PDE4B: variants seen among roughly 807,000 people sequenced by gnomAD.
The protein encoded by PDE4B is phosphodiesterase 4B.
PDE4B carries 20 observed loss-of-function variants against 82.2 expected under a neutral mutation model. The ratio of observed to expected loss-of-function variants is 0.24; its 90% CI spans 0.17 to 0.35. PDE4B has a LOEUF of 0.35. Among genes scored for constraint, PDE4B ranks in the 10% least tolerant of loss-of-function variants. The pLI is 1.00. For missense variants in PDE4B, 655 were observed against 907.2 expected (o/e 0.72, Z 3.57); for synonymous variants, 320 against 318.9 (o/e 1.00, Z -0.04).
intron 1 of PDE4B, among the ~76,000 whole-genome samples, chr1:65,892,982 G>C (rs1349937578): frequency 6.6e-6 from 1 of 151,922 alleles, no homozygotes; most frequent in Non-Finnish European, 1.5e-5. Flanking sequence ...TACCATGAAA[G>C]TAAAGCTTGA....
At position 65,951,428 on chromosome 1, in the gene PDE4B, T is replaced by C. The variant is rs187722331; in HGVS notation, c.281+32593T>C. 1.7e-4 allele frequency among the ~76,000 whole-genome samples: 26 copies of C among 152,144 alleles called. No homozygotes were observed. In the East Asian group the frequency reaches 4.8e-3, roughly 28 times the overall value. ...GGCTTTCCTATTTTTTTAGTTTGAG[T>C]TTGGAAATTTATGCATTCTTTTTGT... On this transcript the variant is annotated intron_variant, in intron 3 of 16. Transcript: ENST00000341517.
At chr1:65,875,246 A>G (rs1303753756) in intron 1 of PDE4B, among the ~76,000 whole-genome samples, 1 of 150,760 alleles carries the variant, frequency 6.6e-6, no homozygotes, top group African/African-American at 2.4e-5. Context: ...CAAAACCACT[A>G]TGAGATACCA....
chr1:65,870,071 C>T (rs1646556311), intron 1 of PDE4B, among the ~76,000 whole-genome samples: 1 of 152,102 alleles, frequency 6.6e-6, no homozygotes, highest in African/African-American at 2.4e-5. Flanking sequence ...CCATTCAATG[C>T]TCACTTACTT....
chr1:66,298,205 T>C (rs1657643000), intron 7 of PDE4B, among the ~76,000 whole-genome samples: 1 of 152,190 alleles, frequency 6.6e-6, no homozygotes, highest in South Asian at 2.1e-4. Flanking sequence ...CCAAAGTCAC[T>C]ATAGTCATAT....
intron 7 of PDE4B, chr1:66,332,296 G>A: frequency 6.5e-7 from 1 of 1,533,688 alleles, no homozygotes; most frequent in South Asian, 1.3e-5. Context: ...GGGGGGTTGG[G>A]GGGAAACTTG....
intron 7 of PDE4B, among the ~76,000 whole-genome samples, chr1:66,285,256 C>G (rs895671856): frequency 1.3e-5 from 2 of 152,144 alleles, no homozygotes; most frequent in Non-Finnish European, 2.9e-5. Flanking sequence ...ATCTACACAA[C>G]ACAAATTGAA....
chr1:66,003,950 G>A (rs1405183772), intron 3 of PDE4B, among the ~76,000 whole-genome samples: 1 of 152,116 alleles, frequency 6.6e-6, no homozygotes, highest in Non-Finnish European at 1.5e-5. Flanking sequence ...TCTTTCACAT[G>A]CTCATTTATC....
chr1:65,880,647 C>T (rs1047836910), intron 1 of PDE4B, among the ~76,000 whole-genome samples: 100 of 151,980 alleles, frequency 6.6e-4, no homozygotes, highest in African/African-American at 1.7e-3. Context: ...TGAATGAGGA[C>T]GGGATCCCTC....
intron 3 of PDE4B, among the ~76,000 whole-genome samples, chr1:66,155,226 C>G (rs1486597858): frequency 1.3e-5 from 2 of 152,118 alleles, no homozygotes; most frequent in Non-Finnish European, 2.9e-5. Flanking sequence ...CTCTCATTAG[C>G]TGAATGAGCT....
At chr1:65,994,543 C>G (rs1651428376) in intron 3 of PDE4B, among the ~76,000 whole-genome samples, 1 of 152,074 alleles carries the variant, frequency 6.6e-6, no homozygotes, top group Non-Finnish European at 1.5e-5. Flanking sequence ...TAAGGATGTA[C>G]TGACTTGAAG....
At chr1:66,198,614 T>TTTA (rs1337051759) in intron 3 of PDE4B, among the ~76,000 whole-genome samples, 1 of 152,114 alleles carries the variant, frequency 6.6e-6, no homozygotes, top group African/African-American at 2.4e-5. Context: ...TTTATTTTAT[T>TTTA]TTATTATTAT....
chr1:65,913,404 G>A, intron 2 of PDE4B, 48 bp downstream of exon 2: 2 of 1,575,944 alleles, frequency 1.3e-6, no homozygotes, highest in Non-Finnish European at 1.7e-6. Context: ...CAATAAAGAA[G>A]TCACTGGATA....
chr1:65,913,299 A>G lies in PDE4B; in HGVS notation c.-16A>G, dbSNP rs758796014. On this transcript the variant is annotated 5_prime_UTR_variant, in exon 2 of 17. It adds an upstream start codon to the 5' untranslated region. Coordinates refer to ENST00000341517, the MANE Select transcript of PDE4B (RefSeq NM_002600.4). Reference sequence around the variant, plus strand: ...AATAACAGACATCCTAAGAGGGGATATTTTCCACCTCTATAATGAAGAAAA... The same window carrying G: ...AATAACAGACATCCTAAGAGGGGATGTTTTCCACCTCTATAATGAAGAAAA... 3.1e-6 allele frequency: 5 copies of G among 1,612,558 alleles called. No homozygotes were observed. Among genetic ancestry groups the G allele is most frequent in the Non-Finnish European group, 4.2e-6 (5 of 1,178,720 alleles).
chr1:66,358,661 C>CA (rs1662475200), intron 9 of PDE4B, among the ~76,000 whole-genome samples: 1 of 94,090 alleles, frequency 1.1e-5, no homozygotes, highest in South Asian at 3.3e-4. Context: ...GCGAGAAGAG[C>CA]AAAACTCTGT....
intron 3 of PDE4B, among the ~76,000 whole-genome samples, chr1:66,193,428 C>T (rs1459671923): frequency 3.9e-5 from 6 of 152,080 alleles, no homozygotes; most frequent in Non-Finnish European, 7.4e-5. Context: ...CCGTTCCTTC[C>T]TGTTCCTCTA....
At position 66,238,975 on chromosome 1, in the gene PDE4B, G is replaced by T. The variant is rs78114561; in HGVS notation, c.282-8485G>T. Among the ~76,000 whole-genome samples the T allele has an allele frequency of 2.4e-3, 365 of 152,198 alleles. 13 individuals are homozygous for T. In the East Asian group the frequency reaches 0.066, roughly 27 times the overall value. Reference sequence around the variant, plus strand: ...TCTAGAACTGATTTTCAAATGGTAGGTGAGAACTTACAAAAGAAAGCAGCA... The same window carrying T: ...TCTAGAACTGATTTTCAAATGGTAGTTGAGAACTTACAAAAGAAAGCAGCA... On this transcript the variant is annotated intron_variant, in intron 3 of 16. Coordinates refer to ENST00000341517, the MANE Select transcript of PDE4B (RefSeq NM_002600.4).
At chr1:66,041,615 A>G (rs1301579859) in intron 3 of PDE4B, among the ~76,000 whole-genome samples, 1 of 151,892 alleles carries the variant, frequency 6.6e-6, no homozygotes, top group Admixed American at 6.6e-5. Flanking sequence ...TCAATGTCCT[A>G]TAGGAAGCAT....
At chr1:66,293,591 A>C (rs1388374792) in intron 7 of PDE4B, among the ~76,000 whole-genome samples, 2 of 152,196 alleles carry the variant, frequency 1.3e-5, no homozygotes, top group Non-Finnish European at 2.9e-5. Flanking sequence ...AGTGATTCCC[A>C]AGTTAGTTTA....
chr1:66,292,618 A>G (rs925566692), intron 7 of PDE4B, among the ~76,000 whole-genome samples: 13 of 152,200 alleles, frequency 8.5e-5, no homozygotes, highest in Admixed American at 2.6e-4. Flanking sequence ...AATGGTGGCT[A>G]TTAAATGTCA....
Sources: allele counts gnomAD v4.1 joint callset (sites outside exome capture counted in the v4.1 genomes callset), GRCh38; gene constraint gnomAD v4.1.1; transcripts MANE v1.5; gene names NCBI Gene and HGNC (gene_info 2026-07-23, HGNC 2026-07-21).